Variants in NTN1 observed in about 807,000 individuals in gnomAD.
NTN1 encodes the protein netrin 1.
Under a neutral mutation model 54.2 loss-of-function variants are expected in NTN1, and 11 were observed. The ratio of observed to expected loss-of-function variants is 0.20; its 90% CI spans 0.13 to 0.34. The LOEUF is 0.34. Among genes scored for constraint, NTN1 ranks in the 10% least tolerant of loss-of-function variants. The pLI is 1.00. For synonymous variants in NTN1, 371 were observed against 382.0 expected (o/e 0.97, Z 0.33); for missense variants, 740 against 893.1 (o/e 0.83, Z 2.18).
At chr17:9,081,420 G>C (rs1033254620) in intron 2 of NTN1, among the ~76,000 whole-genome samples, 1 of 152,100 alleles carries the variant, frequency 6.6e-6, no homozygotes, top group Admixed American at 6.5e-5. Flanking sequence ...ACCTAATCTT[G>C]TTGATTTTCC....
chr17:9,226,148 A>C, intron 6 of NTN1, among the ~76,000 whole-genome samples: 1 of 51,786 alleles, frequency 1.9e-5, no homozygotes, highest in African/African-American at 7.4e-5. Flanking sequence ...AAGCAAGGCA[A>C]AGGGATTTGG....
intron 2 of NTN1, among the ~76,000 whole-genome samples, chr17:9,104,088 CAAAAA>C (rs55732200): frequency 1.1e-3 from 79 of 70,830 alleles, no homozygotes; most frequent in East Asian, 1.5e-3. Context: ...GACTCCATCT[CAAAAA>C]AAAAAAAAAA....
intron 5 of NTN1, among the ~76,000 whole-genome samples, chr17:9,188,555 G>T (rs955348824): frequency 6.6e-6 from 1 of 151,984 alleles, no homozygotes; most frequent in Non-Finnish European, 1.5e-5. Flanking sequence ...CTGGGGCTGG[G>T]GTGAGTGTCC....
chr17:9,088,351 G>C (rs1046317061), intron 2 of NTN1, among the ~76,000 whole-genome samples: 1 of 152,184 alleles, frequency 6.6e-6, no homozygotes, highest in Non-Finnish European at 1.5e-5. Flanking sequence ...AGGAGTTCTG[G>C]GTTCTGGGTG....
chr17:9,108,149 G>A (rs1309946880), intron 2 of NTN1, among the ~76,000 whole-genome samples: 4 of 152,188 alleles, frequency 2.6e-5, no homozygotes, highest in Non-Finnish European at 4.4e-5. Context: ...GGATTCATGC[G>A]AATTGGGATA....
chr17:9,128,309 C>CA (rs11356490), intron 2 of NTN1, among the ~76,000 whole-genome samples: 210 of 124,018 alleles, frequency 1.7e-3, no homozygotes, highest in South Asian at 3.3e-3. Flanking sequence ...GACTCTGTCT[C>CA]AAAAAAAAAA....
At chr17:9,095,745 T>A (rs34865317) in intron 2 of NTN1, among the ~76,000 whole-genome samples, 28,195 of 152,170 alleles carry the variant, frequency 0.19, 2,775 homozygotes, top group Non-Finnish European at 0.21. Context: ...TTGAAATGGC[T>A]TTAACTTTAT....
chr17:9,191,290 G>A (rs757939511), intron 5 of NTN1, among the ~76,000 whole-genome samples: 3 of 152,004 alleles, frequency 2.0e-5, no homozygotes, highest in African/African-American at 4.8e-5. Flanking sequence ...GTGAAACCCC[G>A]TCACTACTAA....
At chr17:9,179,771 C>A in intron 3 of NTN1, 36 bp from the exon 4 acceptor site, 3 of 1,602,554 alleles carry the variant, frequency 1.9e-6, no homozygotes, top group Non-Finnish European at 2.6e-6. Flanking sequence ...GGCCGCTTCC[C>A]CCTTGTCTGA....
intron 2 of NTN1, among the ~76,000 whole-genome samples, chr17:9,041,407 C>T (rs1285170145): frequency 2.0e-5 from 3 of 152,326 alleles, no homozygotes; most frequent in African/African-American, 4.8e-5. Flanking sequence ...ACAGATTTGC[C>T]TATTCTGGAC....
the NTN1 span, among the ~76,000 whole-genome samples, chr17:9,003,452 C>T: frequency 4.0e-5 from 6 of 151,204 alleles, no homozygotes; most frequent in Non-Finnish European, 8.9e-5. The surrounding 1 kb of genome is among the most constrained non-coding windows in gnomAD (Gnocchi z 7.4). Flanking sequence ...GCCGCGGTCC[C>T]GGCGAGCCCC....
chr17:9,013,308 C>T, the NTN1 span, among the ~76,000 whole-genome samples: 1 of 151,384 alleles, frequency 6.6e-6, no homozygotes, highest in Non-Finnish European at 1.5e-5. Flanking sequence ...CCTCCGCCTC[C>T]CAGGTTCAAG....
chr17:9,077,336 C>G (rs2092054188), intron 2 of NTN1, among the ~76,000 whole-genome samples: 1 of 152,166 alleles, frequency 6.6e-6, no homozygotes, highest in Admixed American at 6.5e-5. Flanking sequence ...AACAGAAGTT[C>G]AGATAAATCA....
intron 2 of NTN1, among the ~76,000 whole-genome samples, chr17:9,137,798 A>C (rs1196239148): frequency 1.3e-5 from 2 of 152,132 alleles, no homozygotes; most frequent in Non-Finnish European, 2.9e-5. Context: ...CATCTCAAAA[A>C]AAAAAAAATA....
intron 5 of NTN1, among the ~76,000 whole-genome samples, chr17:9,201,272 C>G (rs774757841): frequency 6.6e-6 from 1 of 152,190 alleles, no homozygotes; most frequent in Non-Finnish European, 1.5e-5. Context: ...CTCATTTTAG[C>G]AGGCAGAAAT....
At chr17:9,115,107 C>T (rs997751360) in intron 2 of NTN1, among the ~76,000 whole-genome samples, 2 of 152,224 alleles carry the variant, frequency 1.3e-5, no homozygotes, top group African/African-American at 2.4e-5. Flanking sequence ...AACTCCTGTT[C>T]GTCAGTTCTG....
intron 2 of NTN1, among the ~76,000 whole-genome samples, chr17:9,046,219 G>A (rs2091940983): frequency 6.6e-6 from 1 of 152,160 alleles, no homozygotes; most frequent in Non-Finnish European, 1.5e-5. Flanking sequence ...ACCCAGTTTA[G>A]AAACGGGCAA....
intron 2 of NTN1, among the ~76,000 whole-genome samples, chr17:9,114,166 A>ATATAT (rs59456522): frequency 0.037 from 2,765 of 73,796 alleles, 118 homozygotes; most frequent in Non-Finnish European, 0.044. Context: ...AAAAAAAAAA[A>ATATAT]ATATATATAT....
the NTN1 span, among the ~76,000 whole-genome samples, chr17:9,010,358 G>A: frequency 6.6e-6 from 1 of 152,214 alleles, no homozygotes; most frequent in Non-Finnish European, 1.5e-5. Flanking sequence ...GTGGCCTCTA[G>A]AGAAGAGGTT....
Sources: gnomAD v4.1 joint callset for allele counts (sites outside exome capture counted in the v4.1 genomes callset) on GRCh38, gnomAD v4.1.1 for gene constraint, Gnocchi (gnomAD v3.1) non-coding constraint, MANE v1.5 for transcripts, NCBI Gene and HGNC (gene_info 2026-07-23, HGNC 2026-07-21) for gene names.